Variants in VPS41 observed in about 807,000 individuals in gnomAD.
VPS41 encodes VPS41 subunit of HOPS complex.
Under a neutral mutation model 130.9 loss-of-function variants are expected in VPS41, and 85 were observed. That is an observed-to-expected ratio of 0.65 (90% CI 0.55 to 0.78). The LOEUF (loss-of-function observed/expected upper bound fraction) is 0.78, where lower values mean the gene tolerates loss of function less well. VPS41 is among the 30% of genes least tolerant of loss of function. VPS41 has a pLI of 0.00. For missense variants in VPS41, 874 were observed against 1,018.7 expected (o/e 0.86, Z 1.93); for synonymous variants, 335 against 332.9 (o/e 1.01, Z -0.07).
chr7:38,732,013 A>G (rs1795672905), intron 25 of VPS41, among the ~76,000 whole-genome samples: 1 of 152,192 alleles, frequency 6.6e-6, no homozygotes, highest in African/African-American at 2.4e-5. Flanking sequence ...CTCATGTAAC[A>G]TAGATCTGGT....
At chr7:38,787,062 G>A (rs1006503545) in intron 10 of VPS41, among the ~76,000 whole-genome samples, 8 of 152,154 alleles carry the variant, frequency 5.3e-5, no homozygotes, top group Admixed American at 1.3e-4. Context: ...AGACAATACT[G>A]AAAGTAAAAA....
chr7:38,821,706 C>CAA (rs10669199), intron 5 of VPS41, among the ~76,000 whole-genome samples: 63,811 of 117,062 alleles, frequency 0.55, 17,790 homozygotes, highest in East Asian at 0.86. Flanking sequence ...GACTCCGTCT[C>CAA]AAAAAAAAAA....
intron 25 of VPS41, among the ~76,000 whole-genome samples, chr7:38,731,842 T>C (rs1795670256): frequency 6.6e-6 from 1 of 152,068 alleles, no homozygotes; most frequent in African/African-American, 2.4e-5. Context: ...TTAACAAATC[T>C]GTTGATATTT....
chr7:38,889,505 A>G (rs1306165747), intron 2 of VPS41, among the ~76,000 whole-genome samples: 1 of 151,932 alleles, frequency 6.6e-6, no homozygotes, highest in Non-Finnish European at 1.5e-5. Flanking sequence ...CTCAAAGAAA[A>G]GAATTGCCAA....
At position 38,825,250 on chromosome 7, in the gene VPS41, G is replaced by C. The variant is rs79189998; in HGVS notation, c.322-3985C>G. Among the ~76,000 whole-genome samples the C allele has an allele frequency of 6.6e-5, 10 of 152,250 alleles. No homozygotes were observed. The East Asian group carries it at 1.9e-3, about 29-fold the overall frequency. On this transcript the variant is annotated intron_variant, in intron 5 of 28. Coordinates refer to ENST00000310301, the MANE Select transcript of VPS41 (RefSeq NM_014396.4). ...TAACTGAGCAACATTTTCCTCAAGTGTTCTTATATTCTATTTCAATATAAA... is the reference window on the plus strand; with the variant it reads ...TAACTGAGCAACATTTTCCTCAAGTCTTCTTATATTCTATTTCAATATAAA...
chr7:38,814,161 G>A (rs1784994131), intron 7 of VPS41, among the ~76,000 whole-genome samples: 1 of 152,178 alleles, frequency 6.6e-6, no homozygotes, highest in Admixed American at 6.5e-5. Context: ...CATGCACACT[G>A]TCCTTTCTAC....
intron 7 of VPS41, among the ~76,000 whole-genome samples, chr7:38,805,016 T>C (rs1010973691): frequency 2.6e-5 from 4 of 152,242 alleles, no homozygotes; most frequent in Admixed American, 6.5e-5. Flanking sequence ...AGGGTAGAGA[T>C]AACAGAAAAG....
rs745644187 is a variant in VPS41, at chr7:38,869,265, G to T, written c.61-12C>A. On this transcript the variant is annotated splice_polypyrimidine_tract_variant and intron_variant, in intron 2 of 28. Transcript: ENST00000310301. ...TCGCTCTCTTCTTCCTGCACAAACG[G>T]CAAAGAAAAATGACACCCGTCAGAG... The T allele has an allele frequency of 1.9e-6, 3 of 1,586,022 alleles. No homozygotes were observed. The highest frequency in any genetic ancestry group is 2.7e-5 in the African/African-American group (2 of 73,792).
intron 25 of VPS41, among the ~76,000 whole-genome samples, chr7:38,733,568 C>T (rs1207695285): frequency 6.6e-6 from 1 of 152,186 alleles, no homozygotes; most frequent in East Asian, 1.9e-4. Flanking sequence ...GTCTAACTGG[C>T]CTTTCAAAGA....
At chr7:38,808,645 G>A (rs1784882487) in intron 7 of VPS41, among the ~76,000 whole-genome samples, 1 of 152,180 alleles carries the variant, frequency 6.6e-6, no homozygotes, top group East Asian at 1.9e-4. Flanking sequence ...ACAATGGTAA[G>A]TAATGTGGGA....
At chr7:38,817,175 G>A (rs1021764985) in intron 7 of VPS41, among the ~76,000 whole-genome samples, 6 of 151,448 alleles carry the variant, frequency 4.0e-5, no homozygotes, top group East Asian at 1.9e-4. Context: ...AAAAAAAATC[G>A]GAAAAAAAAA....
At chr7:38,785,120 T>C (rs1284714677) in intron 10 of VPS41, among the ~76,000 whole-genome samples, 1 of 152,220 alleles carries the variant, frequency 6.6e-6, no homozygotes, top group Non-Finnish European at 1.5e-5. Context: ...GGCCCCTTAG[T>C]CACCAGATAT....
At chr7:38,864,848 A>G (rs971627865) in intron 3 of VPS41, among the ~76,000 whole-genome samples, 3 of 152,160 alleles carry the variant, frequency 2.0e-5, no homozygotes, top group East Asian at 3.9e-4. Flanking sequence ...ATGTTTAATT[A>G]CAGAAACTTG....
chr7:38,758,277 G>C, intron 18 of VPS41, 77 bp downstream of exon 18: 2 of 1,353,624 alleles, frequency 1.5e-6, no homozygotes, highest in Non-Finnish European at 2.0e-6. Flanking sequence ...TCTCCACTTG[G>C]AGTTTGCCAA....
intron 7 of VPS41, among the ~76,000 whole-genome samples, chr7:38,800,421 C>T (rs553805468): frequency 1.3e-5 from 2 of 152,092 alleles, no homozygotes; most frequent in Non-Finnish European, 2.9e-5. Context: ...AATTATTCTG[C>T]ACTAAATATA....
At chr7:38,803,758 G>A (rs1333308661) in intron 7 of VPS41, among the ~76,000 whole-genome samples, 1 of 152,140 alleles carries the variant, frequency 6.6e-6, no homozygotes, top group Non-Finnish European at 1.5e-5. Context: ...GCTACTGATG[G>A]CAAATGGGGT....
chr7:38,837,707 T>C (rs1785525814), intron 4 of VPS41, among the ~76,000 whole-genome samples: 1 of 152,230 alleles, frequency 6.6e-6, no homozygotes, highest in South Asian at 2.1e-4. Flanking sequence ...TGAAGTTTGG[T>C]TAACTCCAGG....
intron 22 of VPS41, among the ~76,000 whole-genome samples, chr7:38,746,819 G>A (rs1795993909): frequency 6.6e-6 from 1 of 152,092 alleles, no homozygotes; most frequent in Non-Finnish European, 1.5e-5. Context: ...CCTCTCCATT[G>A]CGTCCCCTTG....
chr7:38,745,466 G>T, intron 23 of VPS41, 93 bp downstream of exon 23: 1 of 997,480 alleles, frequency 1.0e-6, no homozygotes, highest in South Asian at 1.3e-5. Context: ...TGTTACGTTG[G>T]TCTAAAACCT....
Sources: allele counts gnomAD v4.1 joint callset (sites outside exome capture counted in the v4.1 genomes callset), GRCh38; gene constraint gnomAD v4.1.1; transcripts MANE v1.5; gene names NCBI Gene and HGNC (gene_info 2026-07-23, HGNC 2026-07-21).